MICAL3: variants seen among roughly 807,000 people sequenced by gnomAD.
MICAL3 encodes microtubule associated monooxygenase, calponin and LIM domain containing 3.
Under a neutral mutation model 207.4 loss-of-function variants are expected in MICAL3, and 62 were observed. That is an observed-to-expected ratio of 0.30 (90% CI 0.24 to 0.37). The LOEUF is 0.37. Ranked by LOEUF, MICAL3 falls within the 10% of genes least tolerant of loss-of-function variation. The pLI, the probability that MICAL3 is intolerant of heterozygous loss-of-function variation, is 1.00. For missense variants in MICAL3, 2,368 were observed against 2,635.6 expected (o/e 0.90, Z 2.22); for synonymous variants, 1,077 against 1,069.3 (o/e 1.01, Z -0.14).
At chr22:17,998,303 T>A (rs974583150) in intron 1 of MICAL3, among the ~76,000 whole-genome samples, 1 of 149,598 alleles carries the variant, frequency 6.7e-6, no homozygotes, top group Non-Finnish European at 1.5e-5. Context: ...AGACTCCGTC[T>A]CAAAAAAAGA....
In MICAL3 at chr22:17,838,522, G is replaced by A. The variant is rs114733157; in HGVS notation, c.2801+3300C>T. On this transcript the variant is annotated intron_variant, in intron 20 of 31. Transcript: ENST00000441493. Reference sequence around the variant, plus strand: ...TCAAGGCTTCGTCCGTGCTTTATACGACTTAATCCTCAAAACAAACCTATG... The same window carrying A: ...TCAAGGCTTCGTCCGTGCTTTATACAACTTAATCCTCAAAACAAACCTATG... 1.9e-3 allele frequency among the ~76,000 whole-genome samples: 284 copies of A among 152,276 alleles called. 1 individual carries two copies. Among genetic ancestry groups the A allele is most frequent in the African/African-American group, 6.4e-3 (264 of 41,554 alleles).
At position 17,818,454 on chromosome 22, in the gene MICAL3, T is replaced by A; in HGVS notation, c.4207A>T (p.Thr1403Ser). 3 of 1,612,854 alleles carry A rather than the reference T, an allele frequency of 1.9e-6. No homozygotes were observed. Among genetic ancestry groups the A allele is most frequent in the Non-Finnish European group, 1.7e-6 (2 of 1,179,858 alleles). ...KPEGEPLSLP[T>S]PRSPSDRELR... is the part of the protein sequence containing the mutation. ...TCTCTGTCGGACGGGGACCGGGGGG[T>A]TGGCAGGGACAACGGCTCGCCTTCC... The change falls in exon 26 of 32, where the codon ACC becomes TCC. Residue 1403 changes from threonine to serine, a missense_variant. Thr to Ser is a moderately conservative substitution (Grantham distance 58, BLOSUM62 1). Around this residue, in one of 4 missense-constraint regions of MICAL3, gnomAD observed 1,770 missense variants for 1,863.2 expected, o/e 0.95. Coordinates refer to ENST00000441493, the MANE Select transcript of MICAL3 (RefSeq NM_015241.3).
At chr22:17,881,313 C>T (rs746192695) in intron 16 of MICAL3, 2 of 1,595,160 alleles carry the variant, frequency 1.3e-6, no homozygotes, top group South Asian at 1.1e-5. Context: ...GCTTTTACAC[C>T]AACAGACACA....
intron 1 of MICAL3, among the ~76,000 whole-genome samples, chr22:17,977,245 T>C (rs1935699581): frequency 6.6e-6 from 1 of 151,808 alleles, no homozygotes; most frequent in Admixed American, 6.6e-5. Context: ...ATCCAGAAAG[T>C]GAAAACACAC....
rs1162820742 is a variant in MICAL3 at position 17,902,572 on chromosome 22, C to T, written c.589+59G>A. 1.8e-5 allele frequency: 19 copies of T among 1,057,586 alleles called. No individual in the cohort carries two copies. The highest frequency in any genetic ancestry group is 4.4e-4 in the Middle Eastern group (2 of 4,540). 65.5% of individuals were successfully genotyped at this position (1,057,586 alleles called of 1,614,324 possible). On this transcript the variant is annotated intron_variant, in intron 4 of 31. Transcript: ENST00000441493. The surrounding 1 kb of genome is among the most constrained non-coding windows in gnomAD (Gnocchi z 4.5). ...AGCCTTTGGTTTGCTCCCTCAATCT[C>T]ATCTTCCTCACCCATCAACACCCTC...
At chr22:17,990,497 T>C (rs945699209) in intron 1 of MICAL3, among the ~76,000 whole-genome samples, 1 of 152,238 alleles carries the variant, frequency 6.6e-6, no homozygotes, top group African/African-American at 2.4e-5. Flanking sequence ...CTTGTGACCA[T>C]ACAAGGTGAG....
chr22:17,848,805 TATTCTC>T (rs1379193370), intron 19 of MICAL3, among the ~76,000 whole-genome samples: 1 of 152,240 alleles, frequency 6.6e-6, no homozygotes, highest in Non-Finnish European at 1.5e-5. Context: ...TTCCTGCACT[TATTCTC>T]AGGCACCTGG....
chr22:18,020,471 T>G (rs1167420633), intron 1 of MICAL3, among the ~76,000 whole-genome samples: 2 of 151,642 alleles, frequency 1.3e-5, no homozygotes, highest in Admixed American at 6.6e-5. Flanking sequence ...CATTAATTTT[T>G]CAGTGTAGTT....
intron 1 of MICAL3, among the ~76,000 whole-genome samples, chr22:17,996,196 T>C (rs999838579): frequency 6.6e-6 from 1 of 150,424 alleles, no homozygotes; most frequent in African/African-American, 2.5e-5. Flanking sequence ...TCCCAACACT[T>C]TGGGAGGCCG....
At chr22:17,911,278 A>C (rs1489879242) in intron 1 of MICAL3, among the ~76,000 whole-genome samples, 1 of 152,160 alleles carries the variant, frequency 6.6e-6, no homozygotes, top group African/African-American at 2.4e-5. Context: ...TCTAGCTCTT[A>C]GAAGAGGTAG....
intron 1 of MICAL3, among the ~76,000 whole-genome samples, chr22:17,967,051 G>C (rs1033444327): frequency 3.3e-5 from 5 of 152,214 alleles, no homozygotes; most frequent in African/African-American, 9.6e-5. Context: ...GACTGATCAA[G>C]GGTAGGTGAG....
intron 1 of MICAL3, among the ~76,000 whole-genome samples, chr22:18,007,653 A>C (rs1165364258): frequency 6.6e-6 from 1 of 152,056 alleles, no homozygotes; most frequent in Non-Finnish European, 1.5e-5. Context: ...TGGCTAGCAA[A>C]GTAAAAAATG....
At chr22:17,810,092 T>C (rs2062028297) in intron 28 of MICAL3, among the ~76,000 whole-genome samples, 1 of 138,250 alleles carries the variant, frequency 7.2e-6, no homozygotes, top group Non-Finnish European at 1.5e-5. Flanking sequence ...AGACAGAGTC[T>C]CTCTGTGTCG....
intron 19 of MICAL3, chr22:17,858,376 C>T (rs954336753): frequency 2.0e-5 from 14 of 686,324 alleles, no homozygotes; most frequent in African/African-American, 5.8e-5. Flanking sequence ...ACTTGTGAGG[C>T]GCTTGGCTGG....
At chr22:17,858,159 T>C (rs929811680) in intron 19 of MICAL3, among the ~76,000 whole-genome samples, 1 of 152,212 alleles carries the variant, frequency 6.6e-6, no homozygotes, top group Non-Finnish European at 1.5e-5. Context: ...AACGTGTTTC[T>C]GCGTACAAGC....
At chr22:18,013,242 T>C (rs1923857467) in intron 1 of MICAL3, among the ~76,000 whole-genome samples, 1 of 152,246 alleles carries the variant, frequency 6.6e-6, no homozygotes, top group Non-Finnish European at 1.5e-5. Flanking sequence ...TGCTTTGCAT[T>C]CAGTTATATG....
At chr22:17,802,340 C>G (rs1009532093) in intron 29 of MICAL3, among the ~76,000 whole-genome samples, 1 of 152,194 alleles carries the variant, frequency 6.6e-6, no homozygotes, top group Admixed American at 6.5e-5. Context: ...GCTGGGATAA[C>G]AGGTGTGAAT....
intron 1 of MICAL3, among the ~76,000 whole-genome samples, chr22:17,976,082 G>A (rs951276584): frequency 3.3e-5 from 5 of 152,032 alleles, no homozygotes; most frequent in South Asian, 2.1e-4. Context: ...GCTCAAAGCC[G>A]GAGCAAATAA....
chr22:17,992,485 C>G (rs1921791869), intron 1 of MICAL3, among the ~76,000 whole-genome samples: 1 of 152,206 alleles, frequency 6.6e-6, no homozygotes. Context: ...CATCCAACCC[C>G]TTAGAAATAT....
Sources: gnomAD v4.1 joint callset for allele counts (sites outside exome capture counted in the v4.1 genomes callset) on GRCh38, gnomAD v4.1.1 for gene constraint, gnomAD v4.1.1 regional missense constraint, Gnocchi (gnomAD v3.1) non-coding constraint, MANE v1.5 for transcripts, NCBI Gene and HGNC (gene_info 2026-07-23, HGNC 2026-07-21) for gene names.